SH3D19: variants seen among roughly 807,000 people sequenced by gnomAD.
SH3D19 encodes the protein SH3 domain containing 19.
Under a neutral mutation model 112.1 loss-of-function variants are expected in SH3D19, and 58 were observed. That is an observed-to-expected ratio of 0.52 (90% CI 0.42 to 0.64). The LOEUF (loss-of-function observed/expected upper bound fraction) is 0.64. Ranked by LOEUF, SH3D19 falls within the 30% of genes least tolerant of loss-of-function variation. The probability of loss-of-function intolerance (pLI) is 0.00; values close to 1 mark genes in which losing one functional copy is unlikely to be tolerated. For synonymous variants in SH3D19, 391 were observed against 448.5 expected, an observed-to-expected ratio of 0.87 and a Z score of 1.62; for missense variants, 1,090 against 1,263.4, an observed-to-expected ratio of 0.86 and a Z score of 2.08.
intron 2 of SH3D19, among the ~76,000 whole-genome samples, chr4:151,201,088 T>G (rs1298253287): frequency 6.6e-6 from 1 of 152,228 alleles, no homozygotes; most frequent in Non-Finnish European, 1.5e-5. Context: ...TTGTGTGCTA[T>G]TTTTAAAAAT....
intron 1 of SH3D19, chr4:151,282,031 T>C (rs1774284237): frequency 2.0e-6 from 2 of 1,008,348 alleles, no homozygotes; most frequent in South Asian, 3.1e-5. Context: ...GGAAGCACCA[T>C]GGTTAATTCC....
chr4:151,257,419 C>A (rs539907618), intron 1 of SH3D19, among the ~76,000 whole-genome samples: 165 of 152,214 alleles, frequency 1.1e-3, no homozygotes, highest in African/African-American at 3.8e-3. Flanking sequence ...ATAATAATCC[C>A]AGCCTTGATT....
chr4:151,309,401 A>T (rs1729223929), intron 1 of SH3D19, among the ~76,000 whole-genome samples: 1 of 152,214 alleles, frequency 6.6e-6, no homozygotes. Flanking sequence ...GGGACTAAAA[A>T]GTTTCTGCAA....
intron 1 of SH3D19, among the ~76,000 whole-genome samples, chr4:151,226,890 T>C (rs1207685369): frequency 2.0e-5 from 3 of 152,222 alleles, no homozygotes; most frequent in Admixed American, 1.3e-4. Flanking sequence ...GACTATCATA[T>C]ACAAGAGAAC....
chr4:151,290,732 C>T (rs994237374), intron 1 of SH3D19, among the ~76,000 whole-genome samples: 21 of 152,128 alleles, frequency 1.4e-4, no homozygotes, highest in South Asian at 6.2e-4. Context: ...AGACTACTAC[C>T]AACAACTATC....
chr4:151,190,595 G>A (rs1229285000), intron 2 of SH3D19, among the ~76,000 whole-genome samples: 1 of 152,230 alleles, frequency 6.6e-6, no homozygotes, highest in Non-Finnish European at 1.5e-5. Flanking sequence ...GAGGGTGCAA[G>A]CCCCAAGACT....
At chr4:151,251,573 A>C (rs901438700) in intron 1 of SH3D19, among the ~76,000 whole-genome samples, 3 of 152,076 alleles carry the variant, frequency 2.0e-5, no homozygotes, top group African/African-American at 7.2e-5. Context: ...AGGATTTATA[A>C]TCTACTGACT....
intron 1 of SH3D19, among the ~76,000 whole-genome samples, chr4:151,322,615 C>A (rs564889316): frequency 6.6e-6 from 1 of 151,902 alleles, no homozygotes; most frequent in Admixed American, 6.6e-5. Context: ...AAGTTGGGCA[C>A]CAGATCAACT....
chr4:151,206,528 G>A (rs1025991880), intron 2 of SH3D19, among the ~76,000 whole-genome samples: 2 of 151,954 alleles, frequency 1.3e-5, no homozygotes, highest in African/African-American at 2.4e-5. Context: ...TATATTCATG[G>A]CACCCTAATC....
intron 1 of SH3D19, among the ~76,000 whole-genome samples, chr4:151,243,727 G>A (rs368131521): frequency 2.6e-5 from 4 of 152,174 alleles, no homozygotes; most frequent in African/African-American, 9.7e-5. Flanking sequence ...GTAAGTCAAA[G>A]CATTACAACT....
chr4:151,290,649 A>C (rs1204805725), intron 1 of SH3D19, among the ~76,000 whole-genome samples: 1 of 152,126 alleles, frequency 6.6e-6, no homozygotes, highest in Non-Finnish European at 1.5e-5. Flanking sequence ...TATACTAAAA[A>C]CCACTGAATT....
intron 1 of SH3D19, among the ~76,000 whole-genome samples, chr4:151,249,662 TA>T (rs572027354): frequency 1.9e-3 from 278 of 147,578 alleles, no homozygotes; most frequent in African/African-American, 5.7e-3. Flanking sequence ...AAACTTCGTG[TA>T]AAAAAAAAAG....
chr4:151,277,717 T>TTGGAAAATA (rs1406534242), intron 1 of SH3D19, among the ~76,000 whole-genome samples: 8 of 152,144 alleles, frequency 5.3e-5, no homozygotes, highest in Non-Finnish European at 1.0e-4. Context: ...TGCTTGTTCA[T>TTGGAAAATA]TTATTTTTCT....
chr4:151,159,066 T>C (rs1429485640), intron 9 of SH3D19, among the ~76,000 whole-genome samples, 174 bp downstream of exon 9: 1 of 152,226 alleles, frequency 6.6e-6, no homozygotes, highest in African/African-American at 2.4e-5. Context: ...ATAGGGACTT[T>C]TAACATATTG....
intron 9 of SH3D19, among the ~76,000 whole-genome samples, chr4:151,151,132 C>T (rs572777379): frequency 1.3e-5 from 2 of 151,898 alleles, no homozygotes; most frequent in South Asian, 2.1e-4. Flanking sequence ...GGCTAATTTT[C>T]GTATTTTCAG....
rs1030098503 is a variant in SH3D19, at chr4:151,299,684, T to C, written c.112+25557A>G. 2.0e-5 allele frequency among the ~76,000 whole-genome samples: 3 copies of C among 152,218 alleles called. No individual in the cohort carries two copies. The East Asian group carries it at 5.8e-4, about 29-fold the overall frequency. On this transcript the variant is annotated intron_variant, in intron 1 of 19. Transcript: ENST00000604030. Reference sequence around the variant, plus strand: ...TCCCTTATGAGTTCAATGAAGTTATTTTAATTTCTGGAACAGAGGGCTAAT... The same window carrying C: ...TCCCTTATGAGTTCAATGAAGTTATCTTAATTTCTGGAACAGAGGGCTAAT...
chr4:151,147,778 T>C, intron 11 of SH3D19, 144 bp downstream of exon 11: 1 of 1,029,422 alleles, frequency 9.7e-7, no homozygotes, highest in Non-Finnish European at 1.4e-6. Context: ...CTAGAATTTA[T>C]TATGGCCTAC....
At chr4:151,173,243 T>A (rs952605486) in intron 7 of SH3D19, among the ~76,000 whole-genome samples, 1 of 152,238 alleles carries the variant, frequency 6.6e-6, no homozygotes, top group African/African-American at 2.4e-5. Flanking sequence ...CTTCTCTGAA[T>A]CTTGTTAATA....
intron 11 of SH3D19, among the ~76,000 whole-genome samples, chr4:151,146,183 C>A (rs1430471333): frequency 6.6e-6 from 1 of 152,120 alleles, no homozygotes; most frequent in African/African-American, 2.4e-5. Flanking sequence ...TAATTACTGG[C>A]TCAATGATGG....
Sources: gnomAD v4.1 joint callset for allele counts (sites outside exome capture counted in the v4.1 genomes callset) on GRCh38, gnomAD v4.1.1 for gene constraint, MANE v1.5 for transcripts, NCBI Gene and HGNC (gene_info 2026-07-23, HGNC 2026-07-21) for gene names.